Variants in CTNNA2 observed in about 807,000 individuals in gnomAD.
CTNNA2 encodes the protein catenin alpha-2.
In CTNNA2, 42 loss-of-function variants were observed where a neutral mutation model predicts 101.0. The observed-to-expected ratio is 0.42, with a 90% CI of 0.32 to 0.54. The LOEUF is 0.54. CTNNA2 is among the 20% of genes least tolerant of loss of function. CTNNA2 has a pLI of 0.14. For synonymous variants in CTNNA2, 450 were observed against 456.4 expected (o/e 0.99, Z 0.18); for missense variants, 871 against 1,223.1 (o/e 0.71, Z 4.29).
rs539837691 is a variant in CTNNA2, at chr2:79,584,819, G to A, written c.-5-66733G>A. On this transcript the variant is annotated intron_variant, in intron 1 of 18. Transcript: ENST00000402739. ...ACAGGCGTGAGCCACCGCACCCGGCGCAAGCAGATTTTCATATGCACTTGA... is the reference window on the plus strand; with the variant it reads ...ACAGGCGTGAGCCACCGCACCCGGCACAAGCAGATTTTCATATGCACTTGA... Among the ~76,000 whole-genome samples the A allele has an allele frequency of 3.9e-3, 599 of 152,204 alleles. 5 individuals are homozygous for A. Among genetic ancestry groups the A allele is most frequent in the Middle Eastern group, 0.014 (4 of 294 alleles).
chr2:79,726,462 C>T (rs919513221), intron 2 of CTNNA2, among the ~76,000 whole-genome samples: 1 of 152,102 alleles, frequency 6.6e-6, no homozygotes, highest in Non-Finnish European at 1.5e-5. Flanking sequence ...GCATTAGATT[C>T]TCATACCAGC....
intron 2 of CTNNA2, among the ~76,000 whole-genome samples, chr2:79,295,115 T>C (rs936229036): frequency 6.6e-6 from 1 of 152,162 alleles, no homozygotes; most frequent in Admixed American, 6.6e-5. Flanking sequence ...ATTTTTTGAC[T>C]ATTCTCAGTT....
At chr2:80,535,727 C>T (rs1336084601) in intron 9 of CTNNA2, among the ~76,000 whole-genome samples, 2 of 152,204 alleles carry the variant, frequency 1.3e-5, no homozygotes, top group Admixed American at 6.5e-5. Flanking sequence ...CCCCCAGCTG[C>T]TGACATCCAC....
intron 1 of CTNNA2, among the ~76,000 whole-genome samples, chr2:79,601,087 G>C (rs955943128): frequency 4.6e-5 from 7 of 152,154 alleles, no homozygotes; most frequent in African/African-American, 1.7e-4. Context: ...CAATGTTAGG[G>C]AGGATAAAGA....
chr2:79,575,392 T>C (rs1675729191), intron 1 of CTNNA2: 1 of 152,220 alleles, frequency 6.6e-6, no homozygotes, highest in South Asian at 2.1e-4. Context: ...AATGCCATCG[T>C]GTTGTCTCCA....
At chr2:80,029,950 G>A (rs1429489945) in intron 7 of CTNNA2, among the ~76,000 whole-genome samples, 1 of 152,030 alleles carries the variant, frequency 6.6e-6, no homozygotes, top group Admixed American at 6.6e-5. Flanking sequence ...ACATTAGTGT[G>A]GGCCTTGGAC....
chr2:79,636,079 G>T (rs1423937491), intron 1 of CTNNA2, among the ~76,000 whole-genome samples: 1 of 143,380 alleles, frequency 7.0e-6, no homozygotes, highest in African/African-American at 2.7e-5. Flanking sequence ...GGCTAACACG[G>T]TGAAACCCCA....
intron 1 of CTNNA2, among the ~76,000 whole-genome samples, chr2:79,606,190 T>C (rs1157518345): frequency 6.6e-6 from 1 of 152,228 alleles, no homozygotes; most frequent in African/African-American, 2.4e-5. Flanking sequence ...CATATGTGAA[T>C]GAAGGGCAAA....
chr2:79,842,554 A>G (rs1679903617), intron 3 of CTNNA2, among the ~76,000 whole-genome samples: 1 of 152,124 alleles, frequency 6.6e-6, no homozygotes, highest in Non-Finnish European at 1.5e-5. Flanking sequence ...AGTTTTTCTA[A>G]CAGTACACCC....
intron 9 of CTNNA2, among the ~76,000 whole-genome samples, chr2:80,447,906 G>T (rs75878101): frequency 0.018 from 2,806 of 152,290 alleles, 78 homozygotes; most frequent in African/African-American, 0.058. Context: ...CAAGGAGAGG[G>T]CCAGGGTGAA....
At chr2:79,761,110 A>G (rs895902750) in intron 3 of CTNNA2, among the ~76,000 whole-genome samples, 4 of 152,248 alleles carry the variant, frequency 2.6e-5, no homozygotes, top group Non-Finnish European at 5.9e-5. Context: ...AATATGTGAA[A>G]ATTAAATTGC....
intron 4 of CTNNA2, among the ~76,000 whole-genome samples, chr2:79,458,776 A>C: frequency 6.6e-6 from 1 of 152,196 alleles, no homozygotes; most frequent in East Asian, 1.9e-4. Context: ...AACAAATATA[A>C]AAATGTTTAG....
At chr2:80,095,020 GC>G (rs1358003777) in intron 7 of CTNNA2, among the ~76,000 whole-genome samples, 1 of 152,046 alleles carries the variant, frequency 6.6e-6, no homozygotes, top group East Asian at 1.9e-4. Flanking sequence ...GATTGCCCTG[GC>G]CAGAACTTCC....
chr2:79,894,042 TTCTTC>T (rs1558619546), intron 6 of CTNNA2, among the ~76,000 whole-genome samples: 4 of 125,468 alleles, frequency 3.2e-5, no homozygotes, highest in Non-Finnish European at 7.6e-5. Context: ...CTTCTTCTTC[TTCTTC>T]TTCTTCTTCT....
chr2:79,324,099 T>A (rs764824964), intron 3 of CTNNA2, among the ~76,000 whole-genome samples: 6 of 152,192 alleles, frequency 3.9e-5, no homozygotes, highest in Non-Finnish European at 7.3e-5. Context: ...GAAGCCCTCT[T>A]AAACAGTGTC....
At chr2:80,057,344 T>C (rs1697286118) in intron 7 of CTNNA2, among the ~76,000 whole-genome samples, 1 of 152,212 alleles carries the variant, frequency 6.6e-6, no homozygotes, top group Non-Finnish European at 1.5e-5. Flanking sequence ...AAGAATAGCA[T>C]ATAATTTGTC....
chr2:79,409,372 C>T (rs1197800247), intron 4 of CTNNA2, among the ~76,000 whole-genome samples: 2 of 152,102 alleles, frequency 1.3e-5, no homozygotes, highest in Admixed American at 1.3e-4. Flanking sequence ...GAAGTCCTTG[C>T]CCATGCCTAT....
At chr2:79,973,702 C>T (rs1388114120) in intron 7 of CTNNA2, among the ~76,000 whole-genome samples, 1 of 152,070 alleles carries the variant, frequency 6.6e-6, no homozygotes, top group East Asian at 1.9e-4. Context: ...TATGTATTCA[C>T]AGAGGTAAGG....
At chr2:80,230,137 C>T (rs1341794420) in intron 7 of CTNNA2, among the ~76,000 whole-genome samples, 3 of 152,068 alleles carry the variant, frequency 2.0e-5, no homozygotes, top group Non-Finnish European at 2.9e-5. Flanking sequence ...TGTAAGTACA[C>T]TCTATGATGT....
Sources: gnomAD v4.1 joint callset for allele counts (sites outside exome capture counted in the v4.1 genomes callset) on GRCh38, gnomAD v4.1.1 for gene constraint, MANE v1.5 for transcripts, NCBI Gene and HGNC (gene_info 2026-07-23, HGNC 2026-07-21) for gene names.